Variants in ADORA2B observed in about 807,000 individuals in gnomAD.
ADORA2B encodes the protein adenosine A2b receptor.
ADORA2B carries 18 observed loss-of-function variants against 20.8 expected under a neutral mutation model. The ratio of observed to expected loss-of-function variants is 0.87; its 90% confidence interval spans 0.60 to 1.29. The LOEUF (loss-of-function observed/expected upper bound fraction) is 1.29. ADORA2B is among the 50% of genes most tolerant of loss of function. The probability of loss-of-function intolerance (pLI) is 0.00; values close to 1 mark genes in which losing one functional copy is unlikely to be tolerated. For synonymous variants in ADORA2B, 179 were observed against 178.3 expected (o/e 1.00, Z -0.03); for missense variants, 441 against 422.7 (o/e 1.04, Z -0.38).
the ADORA2B span, among the ~76,000 whole-genome samples, chr17:15,914,059 G>A: frequency 3.3e-5 from 5 of 152,188 alleles, no homozygotes; most frequent in Non-Finnish European, 5.9e-5. Flanking sequence ...GCACCTAGGC[G>A]GGCTGCCCCG....
chr17:15,957,426 T>C (rs1005306545), intron 1 of ADORA2B, among the ~76,000 whole-genome samples: 1 of 152,140 alleles, frequency 6.6e-6, no homozygotes, highest in African/African-American at 2.4e-5. Context: ...ATCTGATCGA[T>C]AGCACATAGT....
chr17:15,958,724 T>C (rs1465203845), intron 1 of ADORA2B, among the ~76,000 whole-genome samples: 1 of 152,194 alleles, frequency 6.6e-6, no homozygotes. Flanking sequence ...CTCTATCTCT[T>C]TGCCTGCTGA....
At chr17:15,941,064 C>A (rs967426882), upstream of ADORA2B, among the ~76,000 whole-genome samples, 1 of 152,146 alleles carries the variant, frequency 6.6e-6, no homozygotes, top group African/African-American at 2.4e-5. Flanking sequence ...AGAGATGAGA[C>A]GATGTGTACT....
chr17:15,920,840 G>C, the ADORA2B span, among the ~76,000 whole-genome samples: 1 of 152,204 alleles, frequency 6.6e-6, no homozygotes, highest in African/African-American at 2.4e-5. Flanking sequence ...TCCCTTGGAG[G>C]CTGCGAGCCC....
the ADORA2B span, among the ~76,000 whole-genome samples, chr17:15,897,994 G>A: frequency 2.0e-5 from 3 of 152,044 alleles, no homozygotes. Flanking sequence ...CCATTAAAGG[G>A]GTTGAATTCA....
chr17:15,866,708 T>TGCCGCG, the ADORA2B span, among the ~76,000 whole-genome samples: 134 of 149,902 alleles, frequency 8.9e-4, no homozygotes, highest in African/African-American at 3.2e-3. Flanking sequence ...CCTCTGCCGC[T>TGCCGCG]GCCGCTGCCT....
At chr17:15,942,967 G>T (rs554603706), upstream of ADORA2B, among the ~76,000 whole-genome samples, 1 of 152,196 alleles carries the variant, frequency 6.6e-6, no homozygotes, top group African/African-American at 2.4e-5. Context: ...CTAACCCTTT[G>T]CCCTCTGCCA....
the ADORA2B span, among the ~76,000 whole-genome samples, chr17:15,909,560 A>G: frequency 7.4e-6 from 1 of 134,554 alleles, no homozygotes; most frequent in Non-Finnish European, 1.6e-5. Flanking sequence ...ATGCTAAGGA[A>G]CTCACGGTCC....
chr17:15,867,313 C>T, the ADORA2B span, among the ~76,000 whole-genome samples: 10 of 151,984 alleles, frequency 6.6e-5, no homozygotes, highest in Admixed American at 4.6e-4. Flanking sequence ...CATCTCTGCC[C>T]GGCCGCCATC....
At chr17:15,967,737 C>T (rs188719800) in intron 1 of ADORA2B, among the ~76,000 whole-genome samples, 1 of 152,314 alleles carries the variant, frequency 6.6e-6, no homozygotes, top group African/African-American at 2.4e-5. Context: ...AAGAGCGAGG[C>T]GTTTCCATGC....
the ADORA2B span, among the ~76,000 whole-genome samples, chr17:15,897,840 A>G: frequency 2.6e-5 from 4 of 152,212 alleles, no homozygotes; most frequent in African/African-American, 4.8e-5. Flanking sequence ...CTATTTCGCT[A>G]TTGTAGAAAG....
chr17:15,957,030 A>T (rs1475431301), intron 1 of ADORA2B, among the ~76,000 whole-genome samples: 2 of 152,208 alleles, frequency 1.3e-5, no homozygotes, highest in Non-Finnish European at 2.9e-5. Flanking sequence ...TCACTGGTGG[A>T]CAGCTGAAGG....
At chr17:15,859,001 T>C in the ADORA2B span, among the ~76,000 whole-genome samples, 1 of 152,194 alleles carries the variant, frequency 6.6e-6, no homozygotes, top group African/African-American at 2.4e-5. Context: ...TTGCTGATTT[T>C]TTTAAAGACA....
chr17:15,916,630 A>G, the ADORA2B span, among the ~76,000 whole-genome samples: 1 of 151,578 alleles, frequency 6.6e-6, no homozygotes, highest in South Asian at 2.1e-4. Flanking sequence ...TAATCTATAG[A>G]TAACATAACC....
At chr17:15,881,604 A>G in the ADORA2B span, among the ~76,000 whole-genome samples, 4 of 152,206 alleles carry the variant, frequency 2.6e-5, no homozygotes, top group Non-Finnish European at 5.9e-5. Flanking sequence ...CCCGGTCTTC[A>G]ACCCCTAACC....
the ADORA2B span, among the ~76,000 whole-genome samples, chr17:15,877,704 G>A: frequency 6.6e-6 from 1 of 152,036 alleles, no homozygotes; most frequent in Non-Finnish European, 1.5e-5. Flanking sequence ...TTATACTCTG[G>A]TGTGCAGGGA....
the ADORA2B span, among the ~76,000 whole-genome samples, chr17:15,879,190 C>G: frequency 6.6e-6 from 1 of 152,112 alleles, no homozygotes; most frequent in Non-Finnish European, 1.5e-5. Context: ...GTAGCTCACA[C>G]CTATAATCTC....
At chr17:15,879,324 A>G in the ADORA2B span, among the ~76,000 whole-genome samples, 1 of 152,016 alleles carries the variant, frequency 6.6e-6, no homozygotes. Context: ...ATAGTGGCAC[A>G]TGCCTGTAGT....
the ADORA2B span, among the ~76,000 whole-genome samples, chr17:15,900,558 C>T: frequency 6.6e-6 from 1 of 152,036 alleles, no homozygotes; most frequent in East Asian, 1.9e-4. Flanking sequence ...GTGATCCTCC[C>T]ACCTCAGCCT....
Sources: allele counts gnomAD v4.1 joint callset (sites outside exome capture counted in the v4.1 genomes callset), GRCh38; gene constraint gnomAD v4.1.1; transcripts MANE v1.5; gene names NCBI Gene and HGNC (gene_info 2026-07-23, HGNC 2026-07-21).